Variants in CGNL1 observed in about 807,000 individuals in gnomAD.
CGNL1 encodes the protein cingulin like 1, also known as cingulin-like protein 1.
A neutral mutation model predicts 141.2 loss-of-function variants in CGNL1; 132 were observed. That is an observed-to-expected ratio of 0.93 (90% CI 0.81 to 1.08). The LOEUF (loss-of-function observed/expected upper bound fraction) is 1.08. Ranked by LOEUF, CGNL1 falls within the 50% of genes least tolerant of loss-of-function variation. The probability of loss-of-function intolerance (pLI) is 0.00; values close to 1 mark genes in which losing one functional copy is unlikely to be tolerated. For missense variants in CGNL1, 1,870 were observed against 1,588.6 expected, an observed-to-expected ratio of 1.18 and a Z score of -3.01; for synonymous variants, 690 against 622.1, an observed-to-expected ratio of 1.11 and a Z score of -1.63.
chr15:57,501,478 A>G (rs1409784406), intron 8 of CGNL1, among the ~76,000 whole-genome samples: 1 of 152,252 alleles, frequency 6.6e-6, no homozygotes, highest in Non-Finnish European at 1.5e-5. Flanking sequence ...GGGTGCAACC[A>G]GCAACTTACC....
intron 10 of CGNL1, among the ~76,000 whole-genome samples, chr15:57,521,195 G>A (rs866910244): frequency 7.2e-5 from 11 of 152,106 alleles, no homozygotes; most frequent in Non-Finnish European, 1.3e-4. Context: ...ATGTGAATTT[G>A]GGACGTTTTC....
chr15:57,469,384 G>A (rs112226505), intron 8 of CGNL1, among the ~76,000 whole-genome samples: 1 of 150,570 alleles, frequency 6.6e-6, no homozygotes, highest in Non-Finnish European at 1.5e-5. Context: ...GTCGTTGGAC[G>A]GAGTGTGAGC....
chr15:57,514,440 C>T lies in CGNL1; in HGVS notation c.2404-2340C>T, dbSNP rs185536505. 4.6e-5 allele frequency among the ~76,000 whole-genome samples: 7 copies of T among 152,252 alleles called. No individual in the cohort carries two copies. In the East Asian group the frequency reaches 7.7e-4, roughly 17 times the overall value. On this transcript the variant is annotated intron_variant, in intron 8 of 18. Transcript: ENST00000281282. ...GTGCAGAGACTATGACGTAACCCACCGCACCTGGCCCCATTTTTAAGTCTT... is the reference window on the plus strand; with the variant it reads ...GTGCAGAGACTATGACGTAACCCACTGCACCTGGCCCCATTTTTAAGTCTT...
chr15:57,482,262 G>C (rs558506808), intron 8 of CGNL1, among the ~76,000 whole-genome samples: 60 of 152,168 alleles, frequency 3.9e-4, no homozygotes, highest in African/African-American at 1.3e-3. Flanking sequence ...TTTTTAACAA[G>C]GTCTTTGAAA....
chr15:57,524,470 G>T, intron 11 of CGNL1, 111 bp from the exon 12 acceptor site: 1 of 1,013,714 alleles, frequency 9.9e-7, no homozygotes, highest in Non-Finnish European at 1.5e-6. Flanking sequence ...CATCTTTGAG[G>T]GGGCCATAGA....
rs1029254336 is a variant in CGNL1 at position 57,452,158 on chromosome 15, A to G, written c.1923A>G (p.Lys641=). ...CCTGTTAGAATCAACAGAACATTAA[A>G]GAAGAGAGAGAGAGGATGAGAGCAA... The part of the protein sequence containing the change: ...QLEVKNQQNI[K]EERERMRANL... The change falls in exon 6 of 19, where the codon AAA becomes AAG. Residue 641 remains lysine (K), a synonymous_variant. Transcript: ENST00000281282. 1 of 1,613,536 alleles carries G rather than the reference A, an allele frequency of 6.2e-7. No homozygotes were observed.
intron 8 of CGNL1, among the ~76,000 whole-genome samples, chr15:57,476,973 C>G (rs553396742): frequency 1.3e-5 from 2 of 152,256 alleles, no homozygotes; most frequent in East Asian, 3.9e-4. Flanking sequence ...GAGAATATGG[C>G]CAAGCACACA....
intron 1 of CGNL1, among the ~76,000 whole-genome samples, chr15:57,381,294 T>C (rs1407816382): frequency 1.3e-5 from 2 of 152,160 alleles, no homozygotes; most frequent in Admixed American, 6.5e-5. Flanking sequence ...GGCAAAGTTC[T>C]CATGCCTGTA....
intron 8 of CGNL1, among the ~76,000 whole-genome samples, chr15:57,493,619 T>C (rs2063897055): frequency 6.6e-6 from 1 of 152,210 alleles, no homozygotes; most frequent in African/African-American, 2.4e-5. Flanking sequence ...AACTATAGAA[T>C]GAAGACGCAT....
At chr15:57,476,622 G>GT (rs763321628) in intron 8 of CGNL1, among the ~76,000 whole-genome samples, 2 of 152,312 alleles carry the variant, frequency 1.3e-5, no homozygotes, top group Non-Finnish European at 2.9e-5. Context: ...TAGCTACAGA[G>GT]TAAGTCATGT....
Position 57,528,758 on chromosome 15 carries a change from G to C in CGNL1, c.3144G>C (p.Glu1048Asp), listed in dbSNP as rs750169638. Reference protein sequence around the residue: ...LEQTLKDLEYELEAKSHLKDD... With the variant: ...LEQTLKDLEYDLEAKSHLKDD... ...AGACGCTGAAGGACCTGGAGTATGA[G>C]CTGGAAGCCAAGAGTCACCTCAAAG... The change falls in exon 13 of 19, where the codon GAG (glutamate) becomes GAC (aspartate). Residue 1048 changes from glutamate (E) to aspartate (D), a missense_variant. By Grantham distance (45) the Glu-to-Asp change is conservative. Coordinates refer to ENST00000281282, the MANE Select transcript of CGNL1 (RefSeq NM_032866.5). The C allele has an allele frequency of 6.2e-7, 1 of 1,614,150 alleles. No homozygotes were observed. The highest frequency in any genetic ancestry group is 8.5e-7 in the Non-Finnish European group (1 of 1,180,020).
chr15:57,495,399 G>T (rs1362303396), intron 8 of CGNL1, among the ~76,000 whole-genome samples: 1 of 152,138 alleles, frequency 6.6e-6, no homozygotes, highest in Non-Finnish European at 1.5e-5. Flanking sequence ...TGTCTTGTGG[G>T]AAGGCCTCCC....
chr15:57,422,939 C>A (rs2062932208), intron 1 of CGNL1, among the ~76,000 whole-genome samples: 1 of 152,068 alleles, frequency 6.6e-6, no homozygotes, highest in Admixed American at 6.6e-5. Context: ...CCCCAAAAGC[C>A]TTTTTGCCTT....
chr15:57,521,907 G>A (rs1221511584), intron 10 of CGNL1, among the ~76,000 whole-genome samples: 1 of 152,058 alleles, frequency 6.6e-6, no homozygotes, highest in African/African-American at 2.4e-5. Context: ...GCCATTGGGG[G>A]CCCTCTGTAT....
In CGNL1 at chr15:57,438,324, G is replaced by A. The variant is rs779469261; in HGVS notation, c.325G>A (p.Ala109Thr). ...ACTTCAGCTTCCAGAAAACCCATAC[G>A]CCCAGCCTAGCCCAATAAGAAACCT... ...EELQLPENPY[A>T]QPSPIRNLKQ... Residue 109 changes from alanine (A) to threonine (T), a missense_variant, in exon 2 of 19, where the codon GCC becomes ACC. By Grantham distance (58) the Ala-to-Thr change is moderately conservative. Coordinates refer to ENST00000281282, the MANE Select transcript of CGNL1 (RefSeq NM_032866.5). 7.4e-6 allele frequency: 12 copies of A among 1,613,980 alleles called. No homozygotes were observed. The Admixed American group carries it at 1.8e-4, about 25-fold the overall frequency.
chr15:57,460,445 T>C (rs1386486139), intron 7 of CGNL1, among the ~76,000 whole-genome samples: 4 of 152,236 alleles, frequency 2.6e-5, no homozygotes. Flanking sequence ...AGGAACAAAA[T>C]GGCAGAAAGA....
At chr15:57,491,889 G>A (rs2063869104) in intron 8 of CGNL1, among the ~76,000 whole-genome samples, 1 of 152,064 alleles carries the variant, frequency 6.6e-6, no homozygotes, top group African/African-American at 2.4e-5. Context: ...AACATACCTG[G>A]CCCAGTATAT....
At chr15:57,510,775 CT>C (rs1287773208) in intron 8 of CGNL1, among the ~76,000 whole-genome samples, 2 of 152,162 alleles carry the variant, frequency 1.3e-5, no homozygotes, top group African/African-American at 4.8e-5. Context: ...TGGGGAAGCA[CT>C]CGTGTAGTTG....
At chr15:57,388,486 G>A (rs549288472) in intron 1 of CGNL1, among the ~76,000 whole-genome samples, 1 of 152,300 alleles carries the variant, frequency 6.6e-6, no homozygotes, top group South Asian at 2.1e-4. Flanking sequence ...CTCCCTCCGG[G>A]GTTCTGTTCT....
Sources: allele counts gnomAD v4.1 joint callset (sites outside exome capture counted in the v4.1 genomes callset), GRCh38; gene constraint gnomAD v4.1.1; transcripts MANE v1.5; gene names NCBI Gene and HGNC (gene_info 2026-07-23, HGNC 2026-07-21).